The following ATXN2L variants were observed in gnomAD, a reference collection of about 807,000 sequenced individuals.
The protein encoded by ATXN2L is ataxin 2 like, also known as ataxin-2-like protein.
ATXN2L carries 24 observed loss-of-function variants against 120.7 expected under a neutral mutation model. That is an observed-to-expected ratio of 0.20 (90% CI 0.14 to 0.28). The LOEUF (loss-of-function observed/expected upper bound fraction) is 0.28. ATXN2L is among the 10% of genes least tolerant of loss of function. ATXN2L has a pLI of 1.00. For missense variants in ATXN2L, 1,312 were observed against 1,432.3 expected (o/e 0.92, Z 1.36); for synonymous variants, 653 against 568.1 (o/e 1.15, Z -2.13).
At chr16:28,834,002 C>T (rs894524461) in intron 15 of ATXN2L, 63 bp from the exon 16 acceptor site, 1 of 1,556,938 alleles carries the variant, frequency 6.4e-7, no homozygotes, top group Non-Finnish European at 8.8e-7. Context: ...TATTACCACT[C>T]TAGGCATGGC....
intron 4 of ATXN2L, 76 bp from the exon 5 acceptor site, chr16:28,826,158 TATTTAA>T: frequency 6.5e-7 from 1 of 1,535,456 alleles, no homozygotes. Context: ...AATCCAGTTC[TATTTAA>T]GAGAAATCCA....
intron 9 of ATXN2L, 25 bp from the exon 10 acceptor site, chr16:28,830,937 A>C: frequency 3.7e-6 from 2 of 539,498 alleles, no homozygotes; most frequent in South Asian, 3.2e-5. Context: ...TTTTCTTCTC[A>C]AAAAAAAAAA....
intron 21 of ATXN2L, 63 bp from the exon 22 acceptor site, chr16:28,835,870 C>T (rs1186527937): frequency 1.3e-6 from 2 of 1,573,032 alleles, no homozygotes; most frequent in Admixed American, 1.8e-5. Flanking sequence ...CTCCCTAACT[C>T]TGGCTCTCAG....
intron 8 of ATXN2L, 105 bp from the exon 9 acceptor site, chr16:28,830,510 G>A (rs946604861): frequency 1.8e-6 from 2 of 1,101,678 alleles, no homozygotes; most frequent in Middle Eastern, 3.1e-4. Context: ...GGCAGTGTGT[G>A]TATGTTTGGG....
chr16:28,823,344 G>A lies in ATXN2L; in HGVS notation c.85G>A (p.Gly29Arg), dbSNP rs531518549. The change falls in exon 1 of 22, where the codon GGG becomes AGG. Residue 29 changes from glycine (G) to arginine (R), a missense_variant. Transcript: ENST00000336783. ...ACAGGCCGTGGCCCGTCGGCCCCCC[G>A]GGGGCACCAGCCCTCCCAACGGCGG... ...TQQAVARRPP[G>R]GTSPPNGGLP... 99 of 1,376,384 alleles carry A rather than the reference G, an allele frequency of 7.2e-5. 2 individuals are homozygous for A. The Middle Eastern group carries it at 1.1e-3, about 16-fold the overall frequency. The allele number at this position is 1,376,384 out of a possible 1,614,324, so 85.3% of individuals were successfully genotyped here.
chr16:28,825,838 A>G lies in ATXN2L; in HGVS notation c.462A>G (p.Ser154=). The G allele has an allele frequency of 2.5e-6, 4 of 1,612,344 alleles. No individual in the cohort carries two copies. Among genetic ancestry groups the G allele is most frequent in the Non-Finnish European group, 3.4e-6 (4 of 1,178,370 alleles). ...AGGGTATCTTCAAGACGCTAAGCTC[A>G]AAGGTCAGTGTACTCAAATTTAATT... ...TYEGIFKTLS[S]KFELAVDAVH... is the part of the protein sequence containing the mutation. Residue 154 remains serine (S), a synonymous_variant, in exon 4 of 22, where the codon TCA becomes TCG. Transcript: ENST00000336783.
At position 28,823,729 on chromosome 16, in the gene ATXN2L, C is replaced by T. The variant is rs2050455366; in HGVS notation, c.299+171C>T. On this transcript the variant is annotated intron_variant, in intron 1 of 21. Coordinates refer to ENST00000336783, the MANE Select transcript of ATXN2L (RefSeq NM_007245.4). ...TCCGAACAGGTCGGACGGAAAGGGT[C>T]CCCGGGCGGCCACCGGAGCACTGAG... 7.5e-6 allele frequency: 5 copies of T among 663,960 alleles called. No homozygotes were observed. The South Asian group carries it at 3.6e-4, about 48-fold the overall frequency. 41.1% of individuals were successfully genotyped at this position (663,960 alleles called of 1,614,324 possible).
chr16:28,836,318 CTG>C lies in ATXN2L; in HGVS notation c.*56_*57del, dbSNP rs1285854918. 2 of 1,612,176 alleles carry C rather than the reference CTG, an allele frequency of 1.2e-6. No individual in the cohort carries two copies. The highest frequency in any genetic ancestry group is 1.1e-5 in the South Asian group (1 of 90,914). On this transcript the variant is annotated 3_prime_UTR_variant, in exon 22 of 22. Coordinates refer to ENST00000336783, the MANE Select transcript of ATXN2L (RefSeq NM_007245.4). The stretch of plus-strand genomic sequence containing the variant: ...AGGGCGCCCGCCGACCTGCACCTGT[CTG>C]TGAAGTATGTAGGGTGGGCAGAAGC...
rs760999518 is a variant in ATXN2L at position 28,835,268 on chromosome 16, C to T, written c.2564-10C>T. 1 of 1,613,774 alleles carries T rather than the reference C, an allele frequency of 6.2e-7. No individual in the cohort carries two copies. The highest frequency in any genetic ancestry group is 1.3e-5 in the African/African-American group (1 of 74,896). On this transcript the variant is annotated splice_polypyrimidine_tract_variant and intron_variant, in intron 19 of 21. Transcript: ENST00000336783. ...TGCTCAGCACTGGTTCTCCCTCTTT[C>T]CTGCTGCAGCCACTGTTCACCAGTC...
chr16:28,823,057 A>T lies in ATXN2L; in HGVS notation c.-203A>T. ...CCTCTCGCTTTCCTCCAGCCGCGAG[A>T]CCCCCTCCCCTTCCGCCTCGCGGCG... On this transcript the variant is annotated 5_prime_UTR_variant, in exon 1 of 22. Coordinates refer to ENST00000336783, the MANE Select transcript of ATXN2L (RefSeq NM_007245.4). The T allele has an allele frequency of 3.5e-5, 9 of 256,828 alleles. No homozygotes were observed. The highest frequency in any genetic ancestry group is 6.8e-5 in the East Asian group (1 of 14,738). The allele number at this position is 256,828 out of a possible 1,614,324, so 15.9% of individuals were successfully genotyped here.
chr16:28,833,608 C>A, intron 15 of ATXN2L, 100 bp downstream of exon 15: 2 of 1,244,146 alleles, frequency 1.6e-6, no homozygotes, highest in Non-Finnish European at 2.3e-6. Flanking sequence ...TCCAGGACCA[C>A]TTGCCTGGCA....
intron 8 of ATXN2L, 61 bp downstream of exon 8, chr16:28,830,119 C>G: frequency 6.7e-7 from 1 of 1,503,656 alleles, no homozygotes; most frequent in East Asian, 2.4e-5. Context: ...GGGCCTGGGC[C>G]CAGAGTTGAT....
intron 5 of ATXN2L, 100 bp from the exon 6 acceptor site, chr16:28,826,762 C>A: frequency 7.2e-7 from 1 of 1,388,846 alleles, no homozygotes; most frequent in Non-Finnish European, 9.5e-7. Flanking sequence ...ACTTCTTAAA[C>A]TTTGTTCCTG....
At chr16:28,830,571 G>C (rs763829789) in intron 8 of ATXN2L, 44 bp from the exon 9 acceptor site, 2 of 1,505,672 alleles carry the variant, frequency 1.3e-6, no homozygotes, top group Non-Finnish European at 1.8e-6. Context: ...TTTCCAAAAC[G>C]TGGGTTTTGT....
rs138297194 is a variant in ATXN2L at position 28,836,663 on chromosome 16, T to C, written c.*398T>C. On this transcript the variant is annotated 3_prime_UTR_variant, in exon 22 of 22. Transcript: ENST00000336783. Reference sequence around the variant, plus strand: ...ACCCCCACGCCCCCACTGGACGGCATTGGAGGAAGGGACAGCTGCTTGGGT... The same window carrying C: ...ACCCCCACGCCCCCACTGGACGGCACTGGAGGAAGGGACAGCTGCTTGGGT... The C allele has an allele frequency of 8.8e-3, 14,112 of 1,612,680 alleles. 73 individuals are homozygous for C. The highest frequency in any genetic ancestry group is 0.01 in the Non-Finnish European group (12,346 of 1,179,718).
At chr16:28,826,651 C>G (rs1567402785) in intron 5 of ATXN2L, 3 of 656,606 alleles carry the variant, frequency 4.6e-6, no homozygotes, top group Non-Finnish European at 7.3e-6. Context: ...TTTTTAACTT[C>G]TTTTTTCTTT....
chr16:28,829,432 A>G lies in ATXN2L; in HGVS notation c.773A>G (p.Lys258Arg), dbSNP rs150427063. ...GGATGGGACCCCAATGAAATGTTCA[A>G]GTTCAATGAGGAGAACTACGGTGTG... ...SNGWDPNEMF[K>R]FNEENYGVKT... The change falls in exon 7 of 22, where the codon AAG becomes AGG. Residue 258 changes from lysine (K) to arginine (R), a missense_variant. Physicochemically the swap from Lys to Arg is conservative, Grantham distance 26. Coordinates refer to ENST00000336783, the MANE Select transcript of ATXN2L (RefSeq NM_007245.4). 41 of 1,613,674 alleles carry G rather than the reference A, an allele frequency of 2.5e-5. No individual in the cohort carries two copies. The African/African-American group carries it at 3.2e-4, about 13-fold the overall frequency.
chr16:28,823,588 C>T (rs938963658), intron 1 of ATXN2L, 30 bp downstream of exon 1: 29 of 1,301,336 alleles, frequency 2.2e-5, no homozygotes, highest in African/African-American at 2.0e-4. Context: ...GGCGAGGGAG[C>T]CGCGGCCACC....
rs534808521 is a variant in ATXN2L at position 28,837,105 on chromosome 16, C to A, written c.*840C>A. 2.0e-6 allele frequency: 1 copy of A among 511,808 alleles called. No homozygotes were observed. Among genetic ancestry groups the A allele is most frequent in the Admixed American group, 2.4e-5 (1 of 42,244 alleles). The allele number at this position is 511,808 out of a possible 1,614,324, so 31.7% of individuals were successfully genotyped here. On this transcript the variant is annotated 3_prime_UTR_variant, in exon 22 of 22. Transcript: ENST00000336783. Reference sequence around the variant, plus strand: ...GACTTGGGCCCCCTGTTCTTTCTTTCCCATTAACTTGAGTGACCTGTGTGA... The same window carrying A: ...GACTTGGGCCCCCTGTTCTTTCTTTACCATTAACTTGAGTGACCTGTGTGA...
Sources: gnomAD v4.1 joint callset for allele counts on GRCh38, gnomAD v4.1.1 for gene constraint, MANE v1.5 for transcripts, NCBI Gene and HGNC (gene_info 2026-07-23, HGNC 2026-07-21) for gene names.